The following SLC44A5 variants were observed in gnomAD, a reference collection of about 807,000 sequenced individuals.
SLC44A5 encodes solute carrier family 44 member 5.
A neutral mutation model predicts 101.8 loss-of-function variants in SLC44A5; 57 were observed. The ratio of observed to expected loss-of-function variants is 0.56; its 90% confidence interval spans 0.45 to 0.70. The LOEUF (loss-of-function observed/expected upper bound fraction) is 0.70. Ranked by LOEUF, SLC44A5 falls within the 30% of genes least tolerant of loss-of-function variation. The pLI is 0.00. For missense variants in SLC44A5, 737 were observed against 853.1 expected (o/e 0.86, Z 1.70); for synonymous variants, 281 against 290.9 (o/e 0.97, Z 0.35).
chr1:75,669,303 T>G, the SLC44A5 span, among the ~76,000 whole-genome samples: 1 of 152,174 alleles, frequency 6.6e-6, no homozygotes. Context: ...GCCTGACATG[T>G]GGATTCCCTA....
the SLC44A5 span, among the ~76,000 whole-genome samples, chr1:75,715,184 A>G: frequency 6.6e-6 from 1 of 152,240 alleles, no homozygotes; most frequent in African/African-American, 2.4e-5. Flanking sequence ...GCTCATGGAT[A>G]GGAAGAATCA....
intron 2 of SLC44A5, among the ~76,000 whole-genome samples, chr1:75,507,623 G>C (rs1029210317): frequency 6.6e-6 from 1 of 152,024 alleles, no homozygotes; most frequent in East Asian, 1.9e-4. Context: ...CAGTAGAATT[G>C]GTACCAGCTC....
the SLC44A5 span, among the ~76,000 whole-genome samples, chr1:75,699,820 G>A: frequency 1.3e-5 from 2 of 151,978 alleles, no homozygotes; most frequent in East Asian, 3.9e-4. Context: ...GATCTACCAA[G>A]CAAATGGAAA....
intron 4 of SLC44A5, among the ~76,000 whole-genome samples, chr1:75,324,574 A>G (rs913327531): frequency 3.3e-5 from 5 of 152,218 alleles, no homozygotes; most frequent in African/African-American, 1.2e-4. Context: ...TGAGTATTAC[A>G]CAAGTGCATG....
At chr1:75,505,596 G>A (rs1482169854) in intron 2 of SLC44A5, among the ~76,000 whole-genome samples, 1 of 152,138 alleles carries the variant, frequency 6.6e-6, no homozygotes, top group African/African-American at 2.4e-5. Context: ...TCATGCCTCT[G>A]ATGATTAACG....
chr1:75,479,408 G>C (rs1212294873), intron 2 of SLC44A5, among the ~76,000 whole-genome samples: 1 of 152,060 alleles, frequency 6.6e-6, no homozygotes, highest in Non-Finnish European at 1.5e-5. Flanking sequence ...AATCAGAGCA[G>C]AACTGAAGGA....
At chr1:75,453,204 A>T (rs1666002448) in intron 2 of SLC44A5, among the ~76,000 whole-genome samples, 1 of 152,162 alleles carries the variant, frequency 6.6e-6, no homozygotes, top group African/African-American at 2.4e-5. Flanking sequence ...ATAGTGGAAT[A>T]AAAATATAAA....
At chr1:75,285,199 T>C (rs1652938953) in intron 5 of SLC44A5, among the ~76,000 whole-genome samples, 1 of 152,100 alleles carries the variant, frequency 6.6e-6, no homozygotes, top group African/African-American at 2.4e-5. Flanking sequence ...TCAGAGTTTC[T>C]ATTTCTTCCT....
intron 2 of SLC44A5, among the ~76,000 whole-genome samples, chr1:75,490,780 C>CA (rs909871670): frequency 1.3e-5 from 2 of 152,144 alleles, no homozygotes; most frequent in Non-Finnish European, 2.9e-5. Context: ...ATTCTATCTC[C>CA]AGTGGTCAGG....
chr1:75,634,745 A>G, the SLC44A5 span, among the ~76,000 whole-genome samples: 116 of 151,912 alleles, frequency 7.6e-4, 1 homozygote, highest in South Asian at 4.6e-3. Flanking sequence ...TTCAGGACAT[A>G]GGCATGGGCA....
intron 2 of SLC44A5, chr1:75,402,488 C>A: frequency 2.7e-6 from 1 of 372,606 alleles, no homozygotes; most frequent in Non-Finnish European, 5.6e-6. Flanking sequence ...CTGAGGTACC[C>A]TGCTCATCTC....
chr1:75,256,579 G>T (rs1362813363), intron 6 of SLC44A5, among the ~76,000 whole-genome samples: 1 of 152,064 alleles, frequency 6.6e-6, no homozygotes, highest in East Asian at 1.9e-4. Context: ...TCAAATTCTG[G>T]AACCAACCTA....
chr1:75,310,180 T>C (rs1346536182), intron 4 of SLC44A5, among the ~76,000 whole-genome samples: 2 of 152,300 alleles, frequency 1.3e-5, no homozygotes, highest in Admixed American at 1.3e-4. Context: ...AAGCCAGAAA[T>C]GTGGTTTAAA....
At chr1:75,551,340 G>A (rs1671925473) in intron 1 of SLC44A5, among the ~76,000 whole-genome samples, 1 of 152,080 alleles carries the variant, frequency 6.6e-6, no homozygotes, top group African/African-American at 2.4e-5. Flanking sequence ...TTCCTATGGT[G>A]GAGAAGGCAC....
intron 2 of SLC44A5, among the ~76,000 whole-genome samples, chr1:75,469,575 G>A (rs1450596101): frequency 6.6e-6 from 1 of 152,052 alleles, no homozygotes; most frequent in African/African-American, 2.4e-5. Flanking sequence ...GGCGTATAAT[G>A]GAATAAAAAT....
chr1:75,582,404 C>A lies in SLC44A5; in HGVS notation c.-70+28636G>T. The stretch of plus-strand genomic sequence containing the variant: ...ACTTGCCCACATTGCCCACTCCAAG[C>A]TTGGGAAGCATGATCATGCCCACAT... On this transcript the variant is annotated intron_variant, in intron 1 of 23. Coordinates refer to ENST00000370859, the MANE Select transcript of SLC44A5 (RefSeq NM_001130058.2). The A allele has an allele frequency of 4.1e-6, 3 of 737,920 alleles. No homozygotes were observed. The South Asian group carries it at 4.9e-5, about 12-fold the overall frequency. 45.7% of individuals were successfully genotyped at this position (737,920 alleles called of 1,614,324 possible).
chr1:75,452,526 A>G (rs1235088008), intron 2 of SLC44A5, among the ~76,000 whole-genome samples: 2 of 152,180 alleles, frequency 1.3e-5, no homozygotes, highest in East Asian at 3.9e-4. Flanking sequence ...CAACTTCATA[A>G]TAGGATCAAA....
At chr1:75,220,880 A>G (rs1647064097) in intron 14 of SLC44A5, among the ~76,000 whole-genome samples, 1 of 152,164 alleles carries the variant, frequency 6.6e-6, no homozygotes, top group Admixed American at 6.5e-5. Flanking sequence ...TAAGTGAATT[A>G]TTGTGTGTCC....
chr1:75,698,085 C>G, the SLC44A5 span, among the ~76,000 whole-genome samples: 33 of 151,930 alleles, frequency 2.2e-4, no homozygotes, highest in Admixed American at 1.8e-3. Context: ...GAGGGGTGTC[C>G]GCCATTGCCC....
Sources: gnomAD v4.1 joint callset for allele counts (sites outside exome capture counted in the v4.1 genomes callset) on GRCh38, gnomAD v4.1.1 for gene constraint, MANE v1.5 for transcripts, NCBI Gene and HGNC (gene_info 2026-07-23, HGNC 2026-07-21) for gene names.